SPDYA: variants seen among roughly 807,000 people sequenced by gnomAD.
The protein encoded by SPDYA is speedy/RINGO cell cycle regulator family member A.
Under a neutral mutation model 36.7 loss-of-function variants are expected in SPDYA, and 11 were observed. The observed-to-expected ratio is 0.30, with a 90% confidence interval of 0.19 to 0.50. The LOEUF (loss-of-function observed/expected upper bound fraction) is 0.50, where lower values mean the gene tolerates loss of function less well. Ranked by LOEUF, SPDYA falls within the 20% of genes least tolerant of loss-of-function variation. The pLI is 0.98. For missense variants in SPDYA, 287 were observed against 370.9 expected (o/e 0.77, Z 1.86); for synonymous variants, 115 against 118.7 (o/e 0.97, Z 0.20).
At chr2:28,816,270 T>C in intron 3 of SPDYA, 21 bp downstream of exon 3, 1 of 1,510,236 alleles carries the variant, frequency 6.6e-7, no homozygotes, top group Non-Finnish European at 9.0e-7. Context: ...AATATTGTAA[T>C]AGTGGTAATT....
intron 5 of SPDYA, among the ~76,000 whole-genome samples, chr2:28,828,057 G>T (rs1049627493): frequency 2.0e-5 from 3 of 151,264 alleles, no homozygotes; most frequent in Non-Finnish European, 4.4e-5. Flanking sequence ...AATCTCGGTG[G>T]CTCACTGTAA....
At chr2:28,822,892 C>T (rs1668205844) in intron 5 of SPDYA, among the ~76,000 whole-genome samples, 1 of 152,172 alleles carries the variant, frequency 6.6e-6, no homozygotes, top group African/African-American at 2.4e-5. Context: ...AGGTGTGAGC[C>T]ACTGCGCCTG....
intron 2 of SPDYA, 94 bp from the exon 3 acceptor site, chr2:28,815,903 T>G (rs988543157): frequency 5.1e-6 from 4 of 785,512 alleles, no homozygotes; most frequent in Middle Eastern, 2.5e-4. Context: ...TTTAGTAACA[T>G]TTTATATGAC....
chr2:28,820,396 G>T (rs1668127198), intron 4 of SPDYA, among the ~76,000 whole-genome samples: 1 of 151,932 alleles, frequency 6.6e-6, no homozygotes, highest in African/African-American at 2.4e-5. Flanking sequence ...GACCAGCCTG[G>T]CCAACATGGA....
chr2:28,814,055 G>T (rs1667923633), intron 1 of SPDYA, among the ~76,000 whole-genome samples: 1 of 152,150 alleles, frequency 6.6e-6, no homozygotes, highest in Non-Finnish European at 1.5e-5. Flanking sequence ...CAGGACTTTA[G>T]GATCTAGGAA....
chr2:28,824,487 A>AC (rs1558324387), intron 5 of SPDYA, among the ~76,000 whole-genome samples: 2 of 100,700 alleles, frequency 2.0e-5, no homozygotes, highest in African/African-American at 8.1e-5. Flanking sequence ...AGAAAAAAAA[A>AC]AAAACAAAAA....
chr2:28,849,527 G>A (rs1668981063), intron 7 of SPDYA, among the ~76,000 whole-genome samples: 1 of 152,192 alleles, frequency 6.6e-6, no homozygotes, highest in East Asian at 1.9e-4. Context: ...CCTGACCTCA[G>A]GTGATCTGCC....
chr2:28,818,692 A>C (rs1432163635), intron 3 of SPDYA, among the ~76,000 whole-genome samples: 1 of 152,170 alleles, frequency 6.6e-6, no homozygotes, highest in African/African-American at 2.4e-5. Context: ...TTATATAGAC[A>C]TTTTCATATG....
chr2:28,815,457 T>C (rs1419696260), intron 2 of SPDYA, among the ~76,000 whole-genome samples: 1 of 152,130 alleles, frequency 6.6e-6, no homozygotes. Context: ...TAAATGCTTA[T>C]TGAATAAGTG....
intron 6 of SPDYA, among the ~76,000 whole-genome samples, chr2:28,836,253 T>C (rs895873299): frequency 6.6e-6 from 1 of 152,204 alleles, no homozygotes; most frequent in African/African-American, 2.4e-5. Context: ...AATGACTTCC[T>C]AGTGTTCTCT....
Position 28,840,302 on chromosome 2 carries a change from G to A in SPDYA, c.683G>A (p.Cys228Tyr). ...GGACCTAGTGCCACACCAGTAGATT[G>A]TTCACTCTGTGGTAAAAAAAGAAGA... Reference protein sequence around the residue: ...PRGPSATPVDCSLCGKKRRYV... With the variant: ...PRGPSATPVDYSLCGKKRRYV... Residue 228 changes from cysteine to tyrosine, a missense_variant, in exon 7 of 8, where the codon TGT becomes TAT. Physicochemically the swap from Cys to Tyr is radical, Grantham distance 194. Coordinates refer to ENST00000334056, the MANE Select transcript of SPDYA (RefSeq NM_182756.4). The A allele has an allele frequency of 1.2e-6, 2 of 1,612,384 alleles. No homozygotes were observed. Among genetic ancestry groups the A allele is most frequent in the Non-Finnish European group, 1.7e-6 (2 of 1,179,336 alleles).
chr2:28,844,843 G>T (rs1572518052), intron 7 of SPDYA, among the ~76,000 whole-genome samples: 1 of 152,130 alleles, frequency 6.6e-6, no homozygotes, highest in South Asian at 2.1e-4. Context: ...TGAGACAGGA[G>T]AATTGCTTGA....
Position 28,850,513 on chromosome 2 carries a change from T to C in SPDYA, c.*572T>C. The C allele has an allele frequency of 8.3e-6, 6 of 719,980 alleles. 1 individual carries two copies. The South Asian group carries it at 1.3e-4, about 16-fold the overall frequency. 44.6% of individuals were successfully genotyped at this position (719,980 alleles called of 1,614,324 possible). A position where few individuals can be genotyped will look rare whatever the true frequency, so the allele number is the denominator to read the frequency against. On this transcript the variant is annotated 3_prime_UTR_variant, in exon 8 of 8. Transcript: ENST00000334056. ...CTCTTTATTGTAAGTTTTTTCTTTA[T>C]TTATTTCCTTGCATATGTTTTAGAG...
chr2:28,840,630 TC>T, intron 7 of SPDYA, 161 bp downstream of exon 7: 1 of 1,397,780 alleles, frequency 7.2e-7, no homozygotes, highest in South Asian at 1.6e-5. Flanking sequence ...TTGTCTTGTG[TC>T]CATATTTGTT....
intron 4 of SPDYA, among the ~76,000 whole-genome samples, chr2:28,819,996 G>A (rs1391032126): frequency 6.8e-6 from 1 of 147,306 alleles, no homozygotes; most frequent in Non-Finnish European, 1.5e-5. Context: ...GGGTGACAGA[G>A]CCAGACCCTG....
chr2:28,815,283 AACACACACACACACAC>A lies in SPDYA; in HGVS notation c.-19+626_-19+641del, dbSNP rs55773017. Among the ~76,000 whole-genome samples the A allele has an allele frequency of 1.0e-2, 1,366 of 136,920 alleles. 74 individuals are homozygous for A. Among genetic ancestry groups the A allele is most frequent in the Admixed American group, 0.087 (1,162 of 13,344 alleles). 89.8% of individuals were successfully genotyped at this position (136,920 alleles called of 152,430 possible). A position where few individuals can be genotyped will look rare whatever the true frequency, so the allele number is the denominator to read the frequency against. On this transcript the variant is annotated intron_variant, in intron 2 of 7. Transcript: ENST00000334056. ...GGTGACAGAGCAAGACCCTGTCTGA[AACACACACACACACAC>A]ACACACACACACACACACACACACA...
At chr2:28,841,382 C>T (rs1668747477) in intron 7 of SPDYA, among the ~76,000 whole-genome samples, 1 of 152,048 alleles carries the variant, frequency 6.6e-6, no homozygotes. Context: ...ACCATAATTT[C>T]ACTCAAATTA....
chr2:28,831,497 T>A (rs1048967514), intron 6 of SPDYA, among the ~76,000 whole-genome samples: 2 of 152,234 alleles, frequency 1.3e-5, no homozygotes, highest in Non-Finnish European at 2.9e-5. Flanking sequence ...TTTAAAAAAA[T>A]TAATGGAACT....
intron 5 of SPDYA, among the ~76,000 whole-genome samples, chr2:28,824,576 T>C (rs1668272244): frequency 6.6e-6 from 1 of 151,028 alleles, no homozygotes; most frequent in African/African-American, 2.4e-5. Flanking sequence ...TGACAGAGTC[T>C]CTCTCTGTTG....
Sources: allele counts gnomAD v4.1 joint callset (sites outside exome capture counted in the v4.1 genomes callset), GRCh38; gene constraint gnomAD v4.1.1; transcripts MANE v1.5; gene names NCBI Gene and HGNC (gene_info 2026-07-23, HGNC 2026-07-21).